The following PPARGC1A variants were observed in gnomAD, a reference collection of about 807,000 sequenced individuals.
PPARGC1A encodes PPARG coactivator 1 alpha.
A neutral mutation model predicts 88.7 loss-of-function variants in PPARGC1A; 25 were observed. The observed-to-expected ratio is 0.28, with a 90% CI of 0.21 to 0.39. PPARGC1A has a LOEUF of 0.39. Among genes scored for constraint, PPARGC1A ranks in the 10% least tolerant of loss-of-function variants. The pLI is 1.00. For missense variants in PPARGC1A, 880 were observed against 968.7 expected, an observed-to-expected ratio of 0.91 and a Z score of 1.22; for synonymous variants, 363 against 355.6, an observed-to-expected ratio of 1.02 and a Z score of -0.24.
At chr4:24,320,861 T>C in the PPARGC1A span, among the ~76,000 whole-genome samples, 2 of 152,220 alleles carry the variant, frequency 1.3e-5, no homozygotes, top group African/African-American at 4.8e-5. Flanking sequence ...ATCGAAATTG[T>C]GCAAACAAGG....
At chr4:23,929,833 T>A in the PPARGC1A span, among the ~76,000 whole-genome samples, 1 of 152,220 alleles carries the variant, frequency 6.6e-6, no homozygotes, top group Non-Finnish European at 1.5e-5. Context: ...CCTGCCACCT[T>A]TTATTTAGCA....
chr4:23,907,976 G>A (rs957616), upstream of PPARGC1A, among the ~76,000 whole-genome samples: 729 of 152,300 alleles, frequency 4.8e-3, 36 homozygotes, highest in East Asian at 0.099. Context: ...GGCACAGAGT[G>A]AGCCTCTAAA....
the PPARGC1A span, among the ~76,000 whole-genome samples, chr4:24,236,095 C>T: frequency 5.9e-4 from 90 of 152,244 alleles, no homozygotes; most frequent in Admixed American, 2.9e-3. Context: ...AAGAAGAAAA[C>T]GAAATTGGTA....
At chr4:24,181,399 C>T in the PPARGC1A span, among the ~76,000 whole-genome samples, 14 of 152,218 alleles carry the variant, frequency 9.2e-5, no homozygotes, top group Admixed American at 9.2e-4. Flanking sequence ...TTGGTAGCTA[C>T]CTTGTAGAGT....
In PPARGC1A at chr4:23,792,413, A is replaced by T. The variant is rs17847356; in HGVS notation, c.*3409T>A. On this transcript the variant is annotated 3_prime_UTR_variant, in exon 13 of 13. Coordinates refer to ENST00000264867, the MANE Select transcript of PPARGC1A (RefSeq NM_013261.5). Reference sequence around the variant, plus strand: ...AGCCATCAAGAAAGGACACATAATCATTACCTACTGGAAGCTCACATCTAA... The same window carrying T: ...AGCCATCAAGAAAGGACACATAATCTTTACCTACTGGAAGCTCACATCTAA... 6,690 of 152,618 alleles carry T rather than the reference A, an allele frequency of 0.044. 182 individuals are homozygous for T. Among genetic ancestry groups the T allele is most frequent in the Middle Eastern group, 0.065 (19 of 294 alleles). 9.5% of individuals were successfully genotyped at this position (152,618 alleles called of 1,614,324 possible). A position where few individuals can be genotyped will look rare whatever the true frequency, so the allele number is the denominator to read the frequency against.
chr4:23,974,331 A>G, the PPARGC1A span, among the ~76,000 whole-genome samples: 1 of 152,176 alleles, frequency 6.6e-6, no homozygotes, highest in Non-Finnish European at 1.5e-5. Flanking sequence ...ACCGACCATA[A>G]CAATTGCTGA....
At chr4:24,065,107 C>T in the PPARGC1A span, among the ~76,000 whole-genome samples, 6 of 152,160 alleles carry the variant, frequency 3.9e-5, no homozygotes, top group Admixed American at 3.9e-4. Context: ...ATTCCTCCAC[C>T]TGATACCTCC....
chr4:24,065,179 C>T, the PPARGC1A span, among the ~76,000 whole-genome samples: 2 of 152,088 alleles, frequency 1.3e-5, no homozygotes, highest in African/African-American at 2.4e-5. Context: ...GAGACCCAAT[C>T]GCGTAGATCA....
chr4:24,450,089 C>G, the PPARGC1A span, among the ~76,000 whole-genome samples: 1 of 152,138 alleles, frequency 6.6e-6, no homozygotes, highest in South Asian at 2.1e-4. Flanking sequence ...GAAACTTACC[C>G]CATCACCAAC....
chr4:24,132,624 A>T, the PPARGC1A span, among the ~76,000 whole-genome samples: 2 of 152,142 alleles, frequency 1.3e-5, no homozygotes, highest in East Asian at 3.9e-4. Context: ...TTTTTCCTCT[A>T]CCCTCTGCTC....
At chr4:24,225,649 A>G in the PPARGC1A span, among the ~76,000 whole-genome samples, 11 of 152,150 alleles carry the variant, frequency 7.2e-5, no homozygotes, top group Admixed American at 4.6e-4. Context: ...TGCCTATGGT[A>G]TGTGCTAGAA....
the PPARGC1A span, among the ~76,000 whole-genome samples, chr4:24,183,557 G>C: frequency 1.3e-5 from 2 of 152,218 alleles, no homozygotes; most frequent in East Asian, 1.9e-4. Context: ...CACCCGGTGT[G>C]TTTCCAGCAC....
At chr4:24,195,856 C>T in the PPARGC1A span, among the ~76,000 whole-genome samples, 4 of 152,114 alleles carry the variant, frequency 2.6e-5, no homozygotes, top group Admixed American at 2.6e-4. Flanking sequence ...ATGGATTATG[C>T]TAATAAAGAA....
the PPARGC1A span, among the ~76,000 whole-genome samples, chr4:24,074,076 T>C: frequency 6.6e-6 from 1 of 152,000 alleles, no homozygotes; most frequent in Non-Finnish European, 1.5e-5. Context: ...GCCCAGCAAA[T>C]GCAGGAAAGG....
At chr4:24,268,827 T>C in the PPARGC1A span, among the ~76,000 whole-genome samples, 1 of 152,228 alleles carries the variant, frequency 6.6e-6, no homozygotes, top group Admixed American at 6.5e-5. Flanking sequence ...AAATGCAAAC[T>C]AATATTTATA....
chr4:24,439,316 G>A, the PPARGC1A span, among the ~76,000 whole-genome samples: 1 of 152,114 alleles, frequency 6.6e-6, no homozygotes, highest in African/African-American at 2.4e-5. Context: ...TTTAAACTTG[G>A]GGGCTTTGAA....
At chr4:23,988,912 T>TTATATAATATATACTATATTA in the PPARGC1A span, among the ~76,000 whole-genome samples, 1 of 147,442 alleles carries the variant, frequency 6.8e-6, no homozygotes, top group African/African-American at 2.5e-5. Context: ...ATAGATATTA[T>TTATATAATATATACTATATTA]TATATAATAT....
chr4:23,998,395 A>G, the PPARGC1A span, among the ~76,000 whole-genome samples: 1 of 152,200 alleles, frequency 6.6e-6, no homozygotes, highest in African/African-American at 2.4e-5. Flanking sequence ...TAATTTCACT[A>G]GAAAAGTATG....
At chr4:23,905,754 T>C (rs1185729341), upstream of PPARGC1A, among the ~76,000 whole-genome samples, 1 of 152,200 alleles carries the variant, frequency 6.6e-6, no homozygotes. Context: ...AGAGGTTAAG[T>C]AACTTTTCTA....
Sources: gnomAD v4.1 joint callset for allele counts (sites outside exome capture counted in the v4.1 genomes callset) on GRCh38, gnomAD v4.1.1 for gene constraint, MANE v1.5 for transcripts, NCBI Gene and HGNC (gene_info 2026-07-23, HGNC 2026-07-21) for gene names.